RELB: variants seen among roughly 807,000 people sequenced by gnomAD.
RELB encodes transcription factor RelB.
A neutral mutation model predicts 55.4 loss-of-function variants in RELB; 14 were observed. The ratio of observed to expected loss-of-function variants is 0.25; its 90% CI spans 0.17 to 0.40. The LOEUF (loss-of-function observed/expected upper bound fraction) is 0.40. Among genes scored for constraint, RELB ranks in the 10% least tolerant of loss-of-function variants. The probability of loss-of-function intolerance (pLI) is 1.00; values close to 1 mark genes in which losing one functional copy is unlikely to be tolerated. For missense variants in RELB, 669 were observed against 830.7 expected, an observed-to-expected ratio of 0.81 and a Z score of 2.39; for synonymous variants, 409 against 371.3, an observed-to-expected ratio of 1.10 and a Z score of -1.17.
At chr19:45,037,285 A>G in intron 11 of RELB, 120 bp from the exon 12 acceptor site, 1 of 757,052 alleles carries the variant, frequency 1.3e-6, no homozygotes, top group Non-Finnish European at 1.8e-6. Context: ...CCATCTCAGA[A>G]AAAAAAAAAA....
chr19:45,019,051 A>G (rs928164857), intron 4 of RELB, among the ~76,000 whole-genome samples: 31 of 152,040 alleles, frequency 2.0e-4, no homozygotes, highest in African/African-American at 7.5e-4. Context: ...ACATACACAC[A>G]CACAGATACA....
At position 45,009,167 on chromosome 19, in the gene RELB, G is replaced by A. The variant is rs145929046; in HGVS notation, c.155-647G>A. Among the ~76,000 whole-genome samples, 700 of 152,254 alleles carry A rather than the reference G, an allele frequency of 4.6e-3. 6 individuals carry two copies. Among genetic ancestry groups the A allele is most frequent in the South Asian group, 0.023 (112 of 4,826 alleles). ...GCAATCTCAGCTCACTGCAACCTCTGCCTCCTGAGTTCAAGCGATTCTCCT... is the reference window on the plus strand; with the variant it reads ...GCAATCTCAGCTCACTGCAACCTCTACCTCCTGAGTTCAAGCGATTCTCCT... On this transcript the variant is annotated intron_variant, in intron 2 of 11. Coordinates refer to ENST00000221452, the MANE Select transcript of RELB (RefSeq NM_006509.4).
chr19:45,003,243 G>A (rs989105388), intron 2 of RELB, among the ~76,000 whole-genome samples: 1 of 151,900 alleles, frequency 6.6e-6, no homozygotes, highest in South Asian at 2.1e-4. Flanking sequence ...AGGCCGAGGC[G>A]GACGGATCAC....
At chr19:45,030,865 G>C (rs7250412) in intron 8 of RELB, among the ~76,000 whole-genome samples, 1,854 of 152,308 alleles carry the variant, frequency 0.012, 42 homozygotes, top group African/African-American at 0.042. Flanking sequence ...AGTTATAACA[G>C]AGTTGGTAGT....
chr19:45,009,854 C>A, intron 3 of RELB, 32 bp downstream of exon 3: 1 of 1,590,832 alleles, frequency 6.3e-7, no homozygotes, highest in Non-Finnish European at 8.5e-7. Flanking sequence ...TGCGGGGAGG[C>A]TGAGGGACCC....
chr19:45,002,865 G>T, intron 1 of RELB, 84 bp from the exon 2 acceptor site: 1 of 1,183,540 alleles, frequency 8.4e-7, no homozygotes, highest in African/African-American at 1.5e-5. Context: ...GGCTAGAAGA[G>T]GAAGGGGTGG....
At chr19:45,021,126 A>G (rs1184922208) in intron 4 of RELB, among the ~76,000 whole-genome samples, 1 of 151,090 alleles carries the variant, frequency 6.6e-6, no homozygotes, top group African/African-American at 2.4e-5. Context: ...GTGAGCTGAG[A>G]TCTCCCGCCA....
chr19:45,016,441 T>C (rs994901965), intron 4 of RELB, among the ~76,000 whole-genome samples: 6 of 152,204 alleles, frequency 3.9e-5, no homozygotes, highest in Non-Finnish European at 7.3e-5. Flanking sequence ...TCCTTGTTAA[T>C]GCCGTGGCCA....
chr19:45,034,262 A>C lies in RELB; in HGVS notation c.1226A>C (p.Lys409Thr). Residue 409 changes from lysine (K) to threonine (T), a missense_variant, in exon 10 of 12, where the codon AAG (lysine) becomes ACG (threonine). Lys to Thr is a moderately conservative substitution (Grantham distance 78). Coordinates refer to ENST00000221452, the MANE Select transcript of RELB (RefSeq NM_006509.4). ...PRDHDSYGVD[K>T]KRKRGMPDVL... ...TTAACAGACAGCTACGGCGTGGACA[A>C]GAAGCGGAAACGGGGGATGCCCGAC... 1 of 1,614,036 alleles carries C rather than the reference A, an allele frequency of 6.2e-7. No homozygotes were observed. Among genetic ancestry groups the C allele is most frequent in the Non-Finnish European group, 8.5e-7 (1 of 1,179,876 alleles).
chr19:45,034,560 C>T (rs1215624580), intron 11 of RELB, 32 bp downstream of exon 11: 1 of 1,556,580 alleles, frequency 6.4e-7, no homozygotes, highest in Non-Finnish European at 8.7e-7. Context: ...GCCCCTGTCC[C>T]CTGGGTGGGC....
chr19:45,003,926 T>TG (rs1474864943), intron 2 of RELB, among the ~76,000 whole-genome samples: 3 of 126,816 alleles, frequency 2.4e-5, no homozygotes, highest in East Asian at 2.3e-4. Flanking sequence ...TTTTTTTTTT[T>TG]TTTTTTTTTT....
At chr19:45,003,906 GTTTTTTGTGTTTT>G (rs1211791868) in intron 2 of RELB, among the ~76,000 whole-genome samples, 8 of 62,532 alleles carry the variant, frequency 1.3e-4, no homozygotes, top group African/African-American at 3.8e-4. Context: ...TTTTTTGTCT[GTTTTTTGTGTTTT>G]TTTTTTTTTT....
At chr19:45,034,732 T>C (rs1313004631) in intron 11 of RELB, among the ~76,000 whole-genome samples, 3 of 152,188 alleles carry the variant, frequency 2.0e-5, no homozygotes, top group Admixed American at 1.3e-4. Flanking sequence ...TTCCTTGCTA[T>C]GTGAACTTCA....
At chr19:45,032,435 A>T in intron 8 of RELB, 99 bp from the exon 9 acceptor site, 3 of 993,570 alleles carry the variant, frequency 3.0e-6, no homozygotes, top group Non-Finnish European at 4.5e-6. Flanking sequence ...AATTTTAAAA[A>T]GGGGGAATAT....
chr19:45,023,729 G>A (rs571394268), intron 5 of RELB, among the ~76,000 whole-genome samples: 2 of 107,572 alleles, frequency 1.9e-5, no homozygotes, highest in East Asian at 5.8e-4. Flanking sequence ...TGAGCCCACT[G>A]TGCCCAGCCT....
Position 45,001,547 on chromosome 19 carries a change from C to A in RELB, c.-33C>A, listed in dbSNP as rs1971208725. 6.8e-6 allele frequency: 9 copies of A among 1,320,992 alleles called. No individual in the cohort carries two copies. In the East Asian group the frequency reaches 2.5e-4, roughly 37 times the overall value. The allele number at this position is 1,320,992 out of a possible 1,614,324, so 81.8% of individuals were successfully genotyped here. A position where few individuals can be genotyped will look rare whatever the true frequency, so the allele number is the denominator to read the frequency against. On this transcript the variant is annotated 5_prime_UTR_variant, in exon 1 of 12. Coordinates refer to ENST00000221452, the MANE Select transcript of RELB (RefSeq NM_006509.4). ...TCCGACCCGCGATCGTCCACCAGAC[C>A]GTGCCTCCCGGCCGCCCGGCCGGCC...
At chr19:45,017,936 T>C (rs1046141506) in intron 4 of RELB, among the ~76,000 whole-genome samples, 1 of 149,718 alleles carries the variant, frequency 6.7e-6, no homozygotes, top group African/African-American at 2.4e-5. Flanking sequence ...CGAACCACCG[T>C]GCCCAGCCCT....
At chr19:45,015,261 A>G (rs1254066512) in intron 4 of RELB, among the ~76,000 whole-genome samples, 1 of 152,224 alleles carries the variant, frequency 6.6e-6, no homozygotes, top group Non-Finnish European at 1.5e-5. Flanking sequence ...AAAGAGGGGC[A>G]GTTACCTGCA....
intron 2 of RELB, among the ~76,000 whole-genome samples, chr19:45,006,188 A>G (rs924374905): frequency 5.3e-5 from 8 of 152,182 alleles, no homozygotes; most frequent in Non-Finnish European, 7.3e-5. Context: ...AACTAGTGAG[A>G]TAGAATGGGA....
Sources: allele counts gnomAD v4.1 joint callset (sites outside exome capture counted in the v4.1 genomes callset), GRCh38; gene constraint gnomAD v4.1.1; transcripts MANE v1.5; gene names NCBI Gene and HGNC (gene_info 2026-07-23, HGNC 2026-07-21).